BCL9: variants seen among roughly 807,000 people sequenced by gnomAD.
The protein encoded by BCL9 is B-cell CLL/lymphoma 9 protein.
A neutral mutation model predicts 88.5 loss-of-function variants in BCL9; 25 were observed. The observed-to-expected ratio is 0.28, with a 90% CI of 0.21 to 0.39. BCL9 has a LOEUF of 0.39. BCL9 is among the 10% of genes least tolerant of loss of function. BCL9 has a pLI of 1.00. For missense variants in BCL9, 1,817 were observed against 1,877.8 expected (o/e 0.97, Z 0.60); for synonymous variants, 711 against 673.3 (o/e 1.06, Z -0.87).
intron 5 of BCL9, among the ~76,000 whole-genome samples, chr1:147,613,427 A>G (rs935997230): frequency 6.6e-6 from 1 of 152,136 alleles, no homozygotes; most frequent in Admixed American, 6.5e-5. Context: ...TAAGGATGCA[A>G]CGGTTTAGGG....
chr1:147,569,288 G>A (rs1655757065), intron 1 of BCL9, among the ~76,000 whole-genome samples: 1 of 151,760 alleles, frequency 6.6e-6, no homozygotes, highest in Non-Finnish European at 1.5e-5. Context: ...GAGAGTAAAA[G>A]GAAATGAGCA....
intron 1 of BCL9, among the ~76,000 whole-genome samples, chr1:147,592,998 C>T (rs1398894092): frequency 1.3e-5 from 2 of 152,138 alleles, no homozygotes; most frequent in South Asian, 2.1e-4. Flanking sequence ...TTGAATCACG[C>T]GTCTCCCCTT....
Position 147,624,175 on chromosome 1 carries a change from C to T in BCL9, c.3497C>T (p.Pro1166Leu), listed in dbSNP as rs139128167. ...NGPSGGQGSF[P>L]GGMGFPGEGP... ...CCCAGTGGGGGGCAGGGCAGCTTCCCAGGAGGGATGGGTTTCCCAGGAGAA... is the reference window on the plus strand; with the variant it reads ...CCCAGTGGGGGGCAGGGCAGCTTCCTAGGAGGGATGGGTTTCCCAGGAGAA... Residue 1166 changes from proline to leucine, a missense_variant, in exon 10 of 10, where the codon CCA becomes CTA. This residue lies in a region of BCL9 where 589 missense variants were observed against 686.2 expected (regional missense o/e 0.86). Coordinates refer to ENST00000234739, the MANE Select transcript of BCL9 (RefSeq NM_004326.4). This position sits in a 1 kb window ranked among gnomAD's most constrained non-coding sequence, Gnocchi z 4.4. 7.2e-5 allele frequency: 115 copies of T among 1,603,786 alleles called. 1 individual carries two copies. In the Middle Eastern group the frequency reaches 3.2e-3, roughly 44 times the overall value.
chr1:147,603,386 A>G (rs1431223413), intron 1 of BCL9, among the ~76,000 whole-genome samples: 2 of 152,210 alleles, frequency 1.3e-5, no homozygotes, highest in Non-Finnish European at 1.5e-5. Context: ...GAGGCCTTGG[A>G]TGTGTTTCCT....
At chr1:147,577,602 T>C (rs1194515863) in intron 1 of BCL9, among the ~76,000 whole-genome samples, 1 of 152,218 alleles carries the variant, frequency 6.6e-6, no homozygotes, top group Non-Finnish European at 1.5e-5. Context: ...TCTCAATTTT[T>C]GGCTTAGAAA....
intron 1 of BCL9, among the ~76,000 whole-genome samples, chr1:147,545,749 T>G (rs1293187753): frequency 2.0e-5 from 3 of 152,208 alleles, no homozygotes; most frequent in Admixed American, 1.3e-4. Context: ...AAATATAAGA[T>G]GTACAATGGA....
chr1:147,622,951 C>A (rs587674881), intron 9 of BCL9, among the ~76,000 whole-genome samples: 9 of 130,702 alleles, frequency 6.9e-5, no homozygotes, highest in African/African-American at 2.4e-4. Flanking sequence ...TGGAAAGCCC[C>A]TGTTTCCTAG....
chr1:147,594,386 A>C (rs1304118782), intron 1 of BCL9, among the ~76,000 whole-genome samples: 2 of 152,220 alleles, frequency 1.3e-5, no homozygotes, highest in Non-Finnish European at 2.9e-5. Flanking sequence ...AGCCTAAGTG[A>C]AAGATATAGG....
At chr1:147,582,677 A>T (rs587684066) in intron 1 of BCL9, among the ~76,000 whole-genome samples, 1 of 152,324 alleles carries the variant, frequency 6.6e-6, no homozygotes, top group East Asian at 1.9e-4. Flanking sequence ...AATTATATGA[A>T]ATTCACATTT....
chr1:147,555,531 G>A (rs75456016), intron 1 of BCL9, among the ~76,000 whole-genome samples: 2 of 152,220 alleles, frequency 1.3e-5, no homozygotes, highest in Non-Finnish European at 1.5e-5. Flanking sequence ...GTTAGTTAAG[G>A]CAGGAATCAT....
rs587652281 is a variant in BCL9 at position 147,621,626 on chromosome 1, G to T, written c.2902+569G>T. ...GATGATGGTTTTGTGAGTGGGACTA[G>T]AGGTGGTCAGTGGAAGTAGTGCCAA... On this transcript the variant is annotated intron_variant, in intron 8 of 9. Transcript: ENST00000234739. Among the ~76,000 whole-genome samples the T allele has an allele frequency of 2.6e-5, 4 of 152,324 alleles. No individual in the cohort carries two copies. In the East Asian group the frequency reaches 7.7e-4, roughly 29 times the overall value.
At chr1:147,600,795 G>GA (rs1164900174) in intron 1 of BCL9, among the ~76,000 whole-genome samples, 1 of 151,506 alleles carries the variant, frequency 6.6e-6, no homozygotes, top group Non-Finnish European at 1.5e-5. Context: ...GAAGGGTAGG[G>GA]GAGGTGGAAG....
chr1:147,562,411 G>T (rs782016589), intron 1 of BCL9, among the ~76,000 whole-genome samples: 1 of 152,078 alleles, frequency 6.6e-6, no homozygotes, highest in African/African-American at 2.4e-5. Flanking sequence ...TCATTTCTTC[G>T]GTACTGGGGA....
At chr1:147,566,704 C>T (rs1305129049) in intron 1 of BCL9, among the ~76,000 whole-genome samples, 5 of 151,130 alleles carry the variant, frequency 3.3e-5, no homozygotes, top group East Asian at 1.9e-4. Context: ...TGCAGTGAGC[C>T]GAAATCGCGC....
In BCL9 at chr1:147,622,492, G is replaced by C. The variant is rs1045720124; in HGVS notation, c.3124G>C (p.Ala1042Pro). 4 of 1,614,018 alleles carry C rather than the reference G, an allele frequency of 2.5e-6. No homozygotes were observed. The Admixed American group carries it at 5.0e-5, about 20-fold the overall frequency. Residue 1042 changes from alanine to proline, a missense_variant, in exon 9 of 10, where the codon GCT becomes CCT. Around this residue, in one of 2 missense-constraint regions of BCL9, gnomAD observed 589 missense variants for 686.2 expected, o/e 0.86. Coordinates refer to ENST00000234739, the MANE Select transcript of BCL9 (RefSeq NM_004326.4). ...VASSDDDSPPARSPNLPSMNN... is the reference protein window; with the variant it reads ...VASSDDDSPPPRSPNLPSMNN... ...CAGCTCAGATGACGACTCCCCTCCA[G>C]CTCGTTCTCCCAACTTGCCATCAAT...
chr1:147,603,636 G>C (rs1657511419), intron 1 of BCL9, among the ~76,000 whole-genome samples: 1 of 151,922 alleles, frequency 6.6e-6, no homozygotes. Context: ...CAAGTAGCTG[G>C]GATTACAGGT....
At position 147,619,504 on chromosome 1, in the gene BCL9, T is replaced by G; in HGVS notation, c.1349T>G (p.Met450Arg). ...FSPDEMVPPS[M>R]NSQSGTIGPD... Reference sequence around the variant, plus strand: ...CCAGATGAAATGGTTCCACCTTCTATGAACTCCCAGTCTGGGACCATAGGA... The same window carrying G: ...CCAGATGAAATGGTTCCACCTTCTAGGAACTCCCAGTCTGGGACCATAGGA... The change falls in exon 8 of 10, where the codon ATG (methionine) becomes AGG (arginine). Residue 450 changes from methionine (M) to arginine (R), a missense_variant. This residue lies in a region of BCL9 where 1,228 missense variants were observed against 1,191.6 expected (regional missense o/e 1.03). Coordinates refer to ENST00000234739, the MANE Select transcript of BCL9 (RefSeq NM_004326.4). This position sits in a 1 kb window ranked among gnomAD's most constrained non-coding sequence, Gnocchi z 4.1. 1 of 1,614,098 alleles carries G rather than the reference T, an allele frequency of 6.2e-7. No individual in the cohort carries two copies. The highest frequency in any genetic ancestry group is 8.5e-7 in the Non-Finnish European group (1 of 1,180,024).
At chr1:147,622,601 C>G in intron 9 of BCL9, 70 bp downstream of exon 9, 1 of 1,577,954 alleles carries the variant, frequency 6.3e-7, no homozygotes, top group Non-Finnish European at 8.7e-7. Flanking sequence ...AGCGTTTTCT[C>G]AATGGCTATA....
At chr1:147,564,345 A>G (rs1201895960) in intron 1 of BCL9, among the ~76,000 whole-genome samples, 1 of 151,792 alleles carries the variant, frequency 6.6e-6, no homozygotes, top group Non-Finnish European at 1.5e-5. Flanking sequence ...AGCCCCTGGC[A>G]TTTTCTCATC....
Sources: gnomAD v4.1 joint callset for allele counts (sites outside exome capture counted in the v4.1 genomes callset) on GRCh38, gnomAD v4.1.1 for gene constraint, gnomAD v4.1.1 regional missense constraint, Gnocchi (gnomAD v3.1) non-coding constraint, MANE v1.5 for transcripts, NCBI Gene and HGNC (gene_info 2026-07-23, HGNC 2026-07-21) for gene names.